Variants in CADPS observed in about 807,000 individuals in gnomAD.
The protein encoded by CADPS is calcium-dependent secretion activator 1.
CADPS carries 57 observed loss-of-function variants against 167.3 expected under a neutral mutation model. That is an observed-to-expected ratio of 0.34 (90% CI 0.28 to 0.42). The LOEUF is 0.42. CADPS is among the 20% of genes least tolerant of loss of function. The probability of loss-of-function intolerance (pLI) is 1.00; values close to 1 mark genes in which losing one functional copy is unlikely to be tolerated. For synonymous variants in CADPS, 676 were observed against 635.3 expected (o/e 1.06, Z -0.96); for missense variants, 1,414 against 1,738.1 (o/e 0.81, Z 3.32).
Position 62,602,455 on chromosome 3 carries a change from G to A in CADPS, c.1326-9707C>T, listed in dbSNP as rs2060109775. 6.6e-6 allele frequency among the ~76,000 whole-genome samples: 1 copy of A among 152,162 alleles called. No individual in the cohort carries two copies. On this transcript the variant is annotated intron_variant, in intron 6 of 29. Transcript: ENST00000383710. This position sits in a 1 kb window ranked among gnomAD's most constrained non-coding sequence, Gnocchi z 4.4. ...AGAAGTGTCATTTCAAGGAATGAAA[G>A]TGCCGTGGTCCTGTTGCTAAGAAGG...
chr3:62,688,199 G>A (rs925743375), intron 3 of CADPS, among the ~76,000 whole-genome samples: 2 of 151,704 alleles, frequency 1.3e-5, no homozygotes, highest in African/African-American at 4.8e-5. Flanking sequence ...CAGCCTACTT[G>A]GCCACTACCC....
intron 26 of CADPS, among the ~76,000 whole-genome samples, chr3:62,452,169 A>G (rs1316544315): frequency 6.6e-6 from 1 of 152,224 alleles, no homozygotes; most frequent in Non-Finnish European, 1.5e-5. Flanking sequence ...GACAACTAAG[A>G]AAGTACCACT....
At chr3:62,861,041 T>C (rs2080705750) in intron 1 of CADPS, among the ~76,000 whole-genome samples, 1 of 152,202 alleles carries the variant, frequency 6.6e-6, no homozygotes, top group Admixed American at 6.5e-5. Context: ...CCAGAAGTCA[T>C]GCCTCCTCCT....
At chr3:62,599,741 A>AT (rs2059528410) in intron 6 of CADPS, among the ~76,000 whole-genome samples, 1 of 34,978 alleles carries the variant, frequency 2.9e-5, no homozygotes, top group Non-Finnish European at 4.5e-5. Context: ...TATATAATAT[A>AT]TATAATCTAT....
At chr3:62,698,898 C>A (rs1295806474) in intron 3 of CADPS, among the ~76,000 whole-genome samples, 1 of 151,626 alleles carries the variant, frequency 6.6e-6, no homozygotes, top group African/African-American at 2.4e-5. Context: ...TACCACCATG[C>A]CCAGCTATTT....
chr3:62,662,416 G>A (rs1164001684), intron 3 of CADPS, 22 bp from the exon 4 acceptor site: 2 of 1,610,778 alleles, frequency 1.2e-6, no homozygotes, highest in African/African-American at 1.3e-5. Context: ...CACAGACATT[G>A]AGACTTTTAG....
At chr3:62,406,448 C>T (rs1338238733) in intron 28 of CADPS, among the ~76,000 whole-genome samples, 1 of 152,118 alleles carries the variant, frequency 6.6e-6, no homozygotes, top group Admixed American at 6.5e-5. Flanking sequence ...TAAGTGCTCC[C>T]TATTTTGTTT....
intron 11 of CADPS, among the ~76,000 whole-genome samples, chr3:62,542,414 C>T (rs2152113228): frequency 6.6e-6 from 1 of 152,160 alleles, no homozygotes; most frequent in Admixed American, 6.6e-5. Context: ...TAGTCAGCCT[C>T]ATCAGAAGAC....
intron 22 of CADPS, among the ~76,000 whole-genome samples, chr3:62,480,544 G>A (rs1209920662): frequency 6.6e-6 from 1 of 152,116 alleles, no homozygotes; most frequent in Admixed American, 6.5e-5. Context: ...AGCTTTGGAG[G>A]AGCCAGCTAG....
chr3:62,604,416 T>G (rs1302241750), intron 6 of CADPS, among the ~76,000 whole-genome samples: 2 of 152,212 alleles, frequency 1.3e-5, no homozygotes, highest in Non-Finnish European at 2.9e-5. Context: ...TCCAAGCTCT[T>G]CACATGCAGG....
intron 28 of CADPS, among the ~76,000 whole-genome samples, chr3:62,414,423 T>C (rs139291733): frequency 6.6e-6 from 1 of 152,350 alleles, no homozygotes; most frequent in Non-Finnish European, 1.5e-5. Context: ...AGGCTAATAA[T>C]GCAAGGCAGG....
chr3:62,826,169 T>C (rs568180539), intron 1 of CADPS, among the ~76,000 whole-genome samples: 3 of 152,170 alleles, frequency 2.0e-5, no homozygotes, highest in African/African-American at 4.8e-5. Flanking sequence ...TGTGGAACTA[T>C]TGAGAATTTC....
intron 9 of CADPS, among the ~76,000 whole-genome samples, chr3:62,563,828 A>T (rs1285842847): frequency 6.6e-6 from 1 of 152,226 alleles, no homozygotes; most frequent in Non-Finnish European, 1.5e-5. Context: ...CACTTAGAAT[A>T]ATAGTCTCCA....
chr3:62,719,473 AGT>A (rs2075326839), intron 3 of CADPS, among the ~76,000 whole-genome samples: 1 of 152,206 alleles, frequency 6.6e-6, no homozygotes, highest in Non-Finnish European at 1.5e-5. Flanking sequence ...TTTTAATCTC[AGT>A]GTACAACTAT....
chr3:62,520,606 C>T (rs1431436309), intron 13 of CADPS, among the ~76,000 whole-genome samples: 1 of 152,166 alleles, frequency 6.6e-6, no homozygotes, highest in African/African-American at 2.4e-5. Context: ...ACTAACTTTA[C>T]TAAGTCTGTA....
chr3:62,565,539 A>G (rs943377361), intron 9 of CADPS, among the ~76,000 whole-genome samples: 12 of 152,164 alleles, frequency 7.9e-5, no homozygotes, highest in African/African-American at 2.4e-4. Flanking sequence ...ACTGTATCAG[A>G]GTCTTCTGGA....
intron 8 of CADPS, among the ~76,000 whole-genome samples, chr3:62,583,675 G>C (rs1426835095): frequency 6.6e-6 from 1 of 152,138 alleles, no homozygotes; most frequent in African/African-American, 2.4e-5. Context: ...TGAGTCACTG[G>C]TCTCCAGCTC....
At chr3:62,811,432 C>A (rs973334303) in intron 1 of CADPS, among the ~76,000 whole-genome samples, 1 of 152,136 alleles carries the variant, frequency 6.6e-6, no homozygotes, top group Non-Finnish European at 1.5e-5. Flanking sequence ...CAAGAAAATG[C>A]ATGCATTGGG....
intron 28 of CADPS, among the ~76,000 whole-genome samples, chr3:62,426,178 G>A (rs897733744): frequency 4.6e-5 from 7 of 152,108 alleles, no homozygotes; most frequent in Non-Finnish European, 8.8e-5. Context: ...TTTAGATAGA[G>A]TCTAGCTTTG....
Sources: allele counts gnomAD v4.1 joint callset (sites outside exome capture counted in the v4.1 genomes callset), GRCh38; gene constraint gnomAD v4.1.1; non-coding constraint Gnocchi (gnomAD v3.1); transcripts MANE v1.5; gene names NCBI Gene and HGNC (gene_info 2026-07-23, HGNC 2026-07-21).